The following SPECC1 variants were observed in gnomAD, a reference collection of about 807,000 sequenced individuals.
The protein encoded by SPECC1 is sperm antigen with calponin homology and coiled-coil domains 1.
A neutral mutation model predicts 104.1 loss-of-function variants in SPECC1; 62 were observed. The ratio of observed to expected loss-of-function variants is 0.60; its 90% CI spans 0.49 to 0.74. SPECC1 has a LOEUF of 0.74. Among genes scored for constraint, SPECC1 ranks in the 30% least tolerant of loss-of-function variants. The pLI, the probability that SPECC1 is intolerant of heterozygous loss-of-function variation, is 0.00. For missense variants in SPECC1, 1,306 were observed against 1,310.5 expected, an observed-to-expected ratio of 1.00 and a Z score of 0.05; for synonymous variants, 513 against 501.6, an observed-to-expected ratio of 1.02 and a Z score of -0.30.
intron 1 of SPECC1, among the ~76,000 whole-genome samples, chr17:20,013,538 A>T (rs1203406714): frequency 1.3e-5 from 2 of 152,048 alleles, no homozygotes; most frequent in Non-Finnish European, 2.9e-5. Flanking sequence ...GTCTTGCTCT[A>T]TCGTCCAGGC....
intron 1 of SPECC1, among the ~76,000 whole-genome samples, chr17:20,054,502 C>T (rs1049594053): frequency 6.6e-6 from 1 of 152,126 alleles, no homozygotes; most frequent in Admixed American, 6.6e-5. Flanking sequence ...CTGCAGTCCC[C>T]AGGGGATACC....
chr17:20,094,669 C>T (rs2047559614), intron 1 of SPECC1, among the ~76,000 whole-genome samples: 1 of 74,288 alleles, frequency 1.3e-5, no homozygotes, highest in Admixed American at 1.6e-4. Flanking sequence ...CTGTAATATC[C>T]AGTCCTTTAT....
intron 3 of SPECC1, among the ~76,000 whole-genome samples, chr17:20,139,917 G>A (rs1257702821): frequency 1.3e-5 from 2 of 151,952 alleles, no homozygotes; most frequent in African/African-American, 4.8e-5. Flanking sequence ...GTTGTGATCC[G>A]CCTGTCTCAG....
chr17:20,240,304 A>G (rs766013294), intron 7 of SPECC1, among the ~76,000 whole-genome samples: 2 of 151,308 alleles, frequency 1.3e-5, no homozygotes, highest in South Asian at 2.1e-4. Flanking sequence ...CTGCTTTTTC[A>G]CTGAGCTGAT....
At chr17:20,244,772 C>G (rs2039348618) in intron 7 of SPECC1, among the ~76,000 whole-genome samples, 2 of 152,130 alleles carry the variant, frequency 1.3e-5, no homozygotes, top group Non-Finnish European at 2.9e-5. Flanking sequence ...TCTGTTTGAA[C>G]TATTATCATA....
At chr17:20,283,323 G>A (rs2040838005) in intron 12 of SPECC1, among the ~76,000 whole-genome samples, 1 of 152,220 alleles carries the variant, frequency 6.6e-6, no homozygotes, top group Admixed American at 6.5e-5. Flanking sequence ...CTTGCCCTTT[G>A]CAGCAAATAT....
intron 3 of SPECC1, among the ~76,000 whole-genome samples, chr17:20,145,420 G>A (rs2031348332): frequency 6.6e-6 from 1 of 152,182 alleles, no homozygotes; most frequent in Admixed American, 6.5e-5. Flanking sequence ...ATGCCAAAAA[G>A]GGTGCAGGTT....
At chr17:20,228,553 A>G (rs1173755806) in intron 5 of SPECC1, among the ~76,000 whole-genome samples, 3 of 152,216 alleles carry the variant, frequency 2.0e-5, no homozygotes, top group Admixed American at 2.0e-4. Context: ...GTCATCAAGT[A>G]CTGACACTGT....
intron 3 of SPECC1, among the ~76,000 whole-genome samples, chr17:20,174,258 A>G (rs2034304757): frequency 2.0e-5 from 3 of 152,214 alleles, no homozygotes. Context: ...CCTGTTTAAA[A>G]AAAGAAAAGA....
chr17:20,156,270 G>A (rs118085302), intron 3 of SPECC1: 3 of 1,296,918 alleles, frequency 2.3e-6, no homozygotes, highest in South Asian at 1.9e-5. Context: ...CGCCGCAGCC[G>A]CAACCCCACC....
intron 7 of SPECC1, among the ~76,000 whole-genome samples, chr17:20,234,252 A>G (rs1293352674): frequency 6.6e-6 from 1 of 152,178 alleles, no homozygotes; most frequent in Non-Finnish European, 1.5e-5. Flanking sequence ...ATCCCTTCTC[A>G]AAAAACATTT....
intron 3 of SPECC1, among the ~76,000 whole-genome samples, chr17:20,140,262 T>A (rs1489190816): frequency 6.6e-6 from 1 of 152,232 alleles, no homozygotes; most frequent in Non-Finnish European, 1.5e-5. Flanking sequence ...CTTACAGTGG[T>A]CTTGTTGATT....
chr17:20,298,561 G>T (rs1223749216), intron 13 of SPECC1, among the ~76,000 whole-genome samples: 2 of 152,148 alleles, frequency 1.3e-5, no homozygotes, highest in Non-Finnish European at 2.9e-5. Flanking sequence ...GGCGGGAGAG[G>T]CGACAGAGCT....
Position 20,145,599 on chromosome 17 carries a change from C to G in SPECC1, c.283+35037C>G, listed in dbSNP as rs140943582. Among the ~76,000 whole-genome samples the G allele has an allele frequency of 8.5e-5, 13 of 152,336 alleles. No homozygotes were observed. The East Asian group carries it at 2.3e-3, about 27-fold the overall frequency. ...TCTTTAAGAATAAGAGAACTTTCCC[C>G]AGCCTTCCTCCCAGCAGACCTCCCT... is the stretch of plus-strand genomic sequence containing the variant. On this transcript the variant is annotated intron_variant, in intron 3 of 14. Coordinates refer to ENST00000395527, the MANE Select transcript of SPECC1 (RefSeq NM_001243439.2).
intron 4 of SPECC1, among the ~76,000 whole-genome samples, chr17:20,207,879 A>G (rs2036887047): frequency 1.3e-5 from 2 of 152,188 alleles, no homozygotes; most frequent in Non-Finnish European, 2.9e-5. Flanking sequence ...TCCACTATTA[A>G]TCTGTTTCTG....
chr17:20,170,458 A>G (rs1051621884), intron 3 of SPECC1, among the ~76,000 whole-genome samples: 3 of 152,202 alleles, frequency 2.0e-5, no homozygotes, highest in Non-Finnish European at 2.9e-5. Flanking sequence ...AAGCTTGTCC[A>G]TAAGAGTTTT....
intron 1 of SPECC1, among the ~76,000 whole-genome samples, chr17:20,052,677 C>A (rs1292297970): frequency 6.6e-6 from 1 of 152,174 alleles, no homozygotes; most frequent in Non-Finnish European, 1.5e-5. Context: ...GAAGGCATCA[C>A]TTCTTAGATA....
rs3072444 is a variant in SPECC1 at position 20,278,699 on chromosome 17, G to GTC, written c.2941-18242_2941-18241dup. Among the ~76,000 whole-genome samples, 873 of 147,346 alleles carry GTC rather than the reference G, an allele frequency of 5.9e-3. 7 individuals carry two copies. Among genetic ancestry groups the GTC allele is most frequent in the African/African-American group, 0.016 (659 of 40,036 alleles). On this transcript the variant is annotated intron_variant, in intron 12 of 14. Coordinates refer to ENST00000395527, the MANE Select transcript of SPECC1 (RefSeq NM_001243439.2). The stretch of plus-strand genomic sequence containing the variant: ...AGCCTGGGTGACAGAGTGAGACCCT[G>GTC]TCTCTCTCTCTCTCTCTCTCTTTTT...
rs148819014 is a variant in SPECC1, at chr17:20,241,554, G to A, written c.2352-4372G>A. ...GTATTGTATTTTCATTCCCCCGACCGTGTACTCTCTATTAGCAGAAATTCT... is the reference window on the plus strand; with the variant it reads ...GTATTGTATTTTCATTCCCCCGACCATGTACTCTCTATTAGCAGAAATTCT... On this transcript the variant is annotated intron_variant, in intron 7 of 14. Coordinates refer to ENST00000395527, the MANE Select transcript of SPECC1 (RefSeq NM_001243439.2). Among the ~76,000 whole-genome samples, 131 of 152,208 alleles carry A rather than the reference G, an allele frequency of 8.6e-4. 1 individual carries two copies. The highest frequency in any genetic ancestry group is 3.0e-3 in the African/African-American group (123 of 41,536).
Sources: gnomAD v4.1 joint callset for allele counts (sites outside exome capture counted in the v4.1 genomes callset) on GRCh38, gnomAD v4.1.1 for gene constraint, MANE v1.5 for transcripts, NCBI Gene and HGNC (gene_info 2026-07-23, HGNC 2026-07-21) for gene names.